HSD11B1L: variants seen among roughly 807,000 people sequenced by gnomAD.
The protein encoded by HSD11B1L is hydroxysteroid 11-beta dehydrogenase 1 like, also known as hydroxysteroid 11-beta-dehydrogenase 1-like protein.
HSD11B1L carries 22 observed loss-of-function variants against 27.0 expected under a neutral mutation model. The observed-to-expected ratio is 0.81, with a 90% CI of 0.58 to 1.16. The LOEUF is 1.16. HSD11B1L is among the 50% of genes most tolerant of loss of function. The pLI, the probability that HSD11B1L is intolerant of heterozygous loss-of-function variation, is 0.00. For synonymous variants in HSD11B1L, 187 were observed against 189.2 expected, an observed-to-expected ratio of 0.99 and a Z score of 0.09; for missense variants, 372 against 401.8, an observed-to-expected ratio of 0.93 and a Z score of 0.63.
chr19:5,686,825 A>C (rs2054705107), intron 4 of HSD11B1L, 75 bp from the exon 5 acceptor site: 1 of 1,256,184 alleles, frequency 8.0e-7, no homozygotes, highest in African/African-American at 1.5e-5. Flanking sequence ...CTCTGGGTGG[A>C]GCTAAGCTCG....
intron 1 of HSD11B1L, among the ~76,000 whole-genome samples, chr19:5,682,262 A>G (rs1426065667): frequency 6.6e-6 from 1 of 152,190 alleles, no homozygotes; most frequent in Admixed American, 6.5e-5. Context: ...CTTTGGCTGC[A>G]TTGACAGAAG....
intron 1 of HSD11B1L, chr19:5,683,963 CTGT>C: frequency 2.5e-6 from 1 of 407,668 alleles, no homozygotes; most frequent in Non-Finnish European, 4.3e-6. Context: ...AAGGAGGTCA[CTGT>C]TCTTTTTTTG....
chr19:5,687,198 G>T lies in HSD11B1L; in HGVS notation c.409-84G>T. ...GGTTTCTGGCCCCGTCTCTGACCCG[G>T]CCCTGGCCCCGCCCTCTGGGTTTCT... On this transcript the variant is annotated intron_variant, in intron 5 of 7. Transcript: ENST00000339423. This position sits in a 1 kb window ranked among gnomAD's most constrained non-coding sequence, Gnocchi z 6.6. The T allele has an allele frequency of 6.8e-7, 1 of 1,462,338 alleles. No homozygotes were observed. Among genetic ancestry groups the T allele is most frequent in the Admixed American group, 1.9e-5 (1 of 53,298 alleles). 90.6% of individuals were successfully genotyped at this position (1,462,338 alleles called of 1,614,324 possible).
chr19:5,683,334 C>CT (rs1311943214), intron 1 of HSD11B1L, among the ~76,000 whole-genome samples: 1 of 152,072 alleles, frequency 6.6e-6, no homozygotes, highest in Non-Finnish European at 1.5e-5. Context: ...GCAGGCACCT[C>CT]TGTCTCCAAC....
Position 5,688,506 on chromosome 19 carries a change from A to C in HSD11B1L, c.*561A>C. 3 of 307,412 alleles carry C rather than the reference A, an allele frequency of 9.8e-6. No homozygotes were observed. The highest frequency in any genetic ancestry group is 5.9e-5 in the East Asian group (1 of 16,924). The allele number at this position is 307,412 out of a possible 1,614,324, so 19.0% of individuals were successfully genotyped here. A position where few individuals can be genotyped will look rare whatever the true frequency, so the allele number is the denominator to read the frequency against. ...CCCAGCCTCTTGTTCGAGAATAAAA[A>C]CTCTTCTTCTCTTGCATATCTGTTG... On this transcript the variant is annotated 3_prime_UTR_variant, in exon 8 of 8. Transcript: ENST00000339423.
In HSD11B1L at chr19:5,687,760, A is replaced by G. The variant is rs773145526; in HGVS notation, c.676A>G (p.Thr226Ala). 7.4e-6 allele frequency: 11 copies of G among 1,482,424 alleles called. No individual in the cohort carries two copies. In the South Asian group the frequency reaches 1.5e-4, roughly 20 times the overall value. 91.8% of individuals were successfully genotyped at this position (1,482,424 alleles called of 1,614,324 possible). A position where few individuals can be genotyped will look rare whatever the true frequency, so the allele number is the denominator to read the frequency against. ...GTGCCCTCCTGTCCCCAGGGGAGTC[A>G]CGAGGGTCAAGGCGGCCCCGGGGCC... ...ASAAEAVRGV[T>A]RVKAAPGPKA... Residue 226 changes from threonine to alanine, a missense_variant, in exon 8 of 8, where the codon ACG becomes GCG. Physicochemically the swap from Thr to Ala is moderately conservative, Grantham distance 58. Transcript: ENST00000339423. This position sits in a 1 kb window ranked among gnomAD's most constrained non-coding sequence, Gnocchi z 6.6.
At position 5,681,145 on chromosome 19, in the gene HSD11B1L, G is replaced by A. The variant is rs2054532507; in HGVS notation, c.-141G>A. 6.6e-6 allele frequency: 1 copy of A among 152,410 alleles called. No individual in the cohort carries two copies. Among genetic ancestry groups the A allele is most frequent in the African/African-American group, 2.4e-5 (1 of 41,458 alleles). The allele number at this position is 152,410 out of a possible 1,614,324, so 9.4% of individuals were successfully genotyped here. A position where few individuals can be genotyped will look rare whatever the true frequency, so the allele number is the denominator to read the frequency against. On this transcript the variant is annotated 5_prime_UTR_variant, in exon 1 of 8. Transcript: ENST00000339423. The stretch of plus-strand genomic sequence containing the variant: ...TCGAGTCACGTGACCCGTGCCCTAC[G>A]GGAGGGGGTGCGGTCGGGGACCCGG...
Position 5,686,556 on chromosome 19 carries a change from C to T in HSD11B1L, c.316+29C>T, listed in dbSNP as rs767860952. On this transcript the variant is annotated intron_variant, in intron 4 of 7. Transcript: ENST00000339423. ...AGGGGCTGGGCCTGAAGCCTGGAGT[C>T]CGGGACCGTGGCCTAGGCCTTAGGG... is the stretch of plus-strand genomic sequence containing the variant. 8 of 1,525,810 alleles carry T rather than the reference C, an allele frequency of 5.2e-6. No homozygotes were observed. The African/African-American group carries it at 9.6e-5, about 18-fold the overall frequency. The allele number at this position is 1,525,810 out of a possible 1,614,324, so 94.5% of individuals were successfully genotyped here.
chr19:5,686,624 T>G, intron 4 of HSD11B1L, 97 bp downstream of exon 4: 1 of 947,938 alleles, frequency 1.1e-6, no homozygotes, highest in Admixed American at 2.7e-5. Context: ...CAGTAACAGG[T>G]GTCTCAGGGC....
intron 1 of HSD11B1L, among the ~76,000 whole-genome samples, chr19:5,683,682 A>C (rs1265112681): frequency 6.6e-6 from 1 of 152,120 alleles, no homozygotes; most frequent in African/African-American, 2.4e-5. Context: ...ACTTGAGCCC[A>C]GGAGTTCAAA....
Position 5,686,899 on chromosome 19 carries a change from G to A in HSD11B1L, c.317-1G>A. The A allele has an allele frequency of 1.3e-6, 2 of 1,544,634 alleles. No individual in the cohort carries two copies. Among genetic ancestry groups the A allele is most frequent in the South Asian group, 1.2e-5 (1 of 83,544 alleles). On this transcript the variant is annotated splice_acceptor_variant, in intron 4 of 7. Coordinates refer to ENST00000339423, the MANE Select transcript of HSD11B1L (RefSeq NM_198706.3). LOFTEE classifies it high-confidence loss of function. ...GGGGCTGACCGGCGTTTCTGGGCCA[G>A]GCGGGCTGGACTACCTCGTGCTGAA...
intron 4 of HSD11B1L, 128 bp downstream of exon 4, chr19:5,686,655 G>C (rs2054700427): frequency 2.6e-6 from 2 of 768,948 alleles, no homozygotes; most frequent in Non-Finnish European, 4.1e-6. Context: ...GGGGACTGGG[G>C]GCGTGGGCGG....
At position 5,687,978 on chromosome 19, in the gene HSD11B1L, C is replaced by CAATGTTCA; in HGVS notation, c.*40_*41insAAATGTTC. 1 of 1,552,964 alleles carries CAATGTTCA rather than the reference C, an allele frequency of 6.4e-7. No homozygotes were observed. The highest frequency in any genetic ancestry group is 8.7e-7 in the Non-Finnish European group (1 of 1,147,712). On this transcript the variant is annotated 3_prime_UTR_variant, in exon 8 of 8. Transcript: ENST00000339423. This position sits in a 1 kb window ranked among gnomAD's most constrained non-coding sequence, Gnocchi z 6.6. Reference sequence around the variant, plus strand: ...GGGGTGCCCCTCCAGTCCCAGACGGCAATGTTCCTCCCTCCAACTGTCCCT... The same window carrying CAATGTTCA: ...GGGGTGCCCCTCCAGTCCCAGACGGCAATGTTCAAATGTTCCTCCCTCCAACTGTCCCT...
chr19:5,686,812 G>A, intron 4 of HSD11B1L, 88 bp from the exon 5 acceptor site: 2 of 1,148,202 alleles, frequency 1.7e-6, no homozygotes, highest in Non-Finnish European at 2.5e-6. Flanking sequence ...CGCTGGACCA[G>A]CGCTCTGGGT....
rs776637614 is a variant in HSD11B1L at position 5,686,459 on chromosome 19, A to G, written c.248A>G (p.Tyr83Cys). ...CRKLGAPKVFYIAADMASPEA... is the reference protein window; with the variant it reads ...CRKLGAPKVFCIAADMASPEA... ...AAGCTGGGCGCCCCCAAGGTCTTCT[A>G]CATCGCGGCGGACATGGCCTCCCCT... Residue 83 changes from tyrosine (Y) to cysteine (C), a missense_variant, in exon 4 of 8, where the codon TAC becomes TGC. Tyr to Cys is a radical substitution (Grantham distance 194). Coordinates refer to ENST00000339423, the MANE Select transcript of HSD11B1L (RefSeq NM_198706.3). 5 of 1,587,778 alleles carry G rather than the reference A, an allele frequency of 3.1e-6. No individual in the cohort carries two copies. The African/African-American group carries it at 6.7e-5, about 21-fold the overall frequency.
chr19:5,681,720 A>C (rs912993965), intron 1 of HSD11B1L, among the ~76,000 whole-genome samples: 3 of 150,904 alleles, frequency 2.0e-5, no homozygotes, highest in Non-Finnish European at 4.4e-5. Flanking sequence ...ATCCATTCAT[A>C]CATCCATCCA....
At position 5,687,966 on chromosome 19, in the gene HSD11B1L, A is replaced by G. The variant is rs201052217; in HGVS notation, c.*21A>G. On this transcript the variant is annotated 3_prime_UTR_variant, in exon 8 of 8. Transcript: ENST00000339423. The surrounding 1 kb of genome is among the most constrained non-coding windows in gnomAD (Gnocchi z 6.6). ...CCTGAGCACCGGGGGGTGCCCCTCC[A>G]GTCCCAGACGGCAATGTTCCTCCCT... is the stretch of plus-strand genomic sequence containing the variant. 3.4e-4 allele frequency: 527 copies of G among 1,555,520 alleles called. 2 individuals carry two copies. In the East Asian group the frequency reaches 0.011, roughly 32 times the overall value.
At position 5,686,946 on chromosome 19, in the gene HSD11B1L, C is replaced by T. The variant is rs769291082; in HGVS notation, c.363C>T (p.Ala121=). 8 of 1,553,010 alleles carry T rather than the reference C, an allele frequency of 5.2e-6. No individual in the cohort carries two copies. Among genetic ancestry groups the T allele is most frequent in the South Asian group, 1.2e-5 (1 of 84,304 alleles). The stretch of plus-strand genomic sequence containing the variant: ...TGAACCACATCGGCGGCGCCCCGGC[C>T]GGCACGCGAGCCCGCAGCCCCCAGG... ...LVLNHIGGAP[A]GTRARSPQAT... is the part of the protein sequence containing the mutation. The change falls in exon 5 of 8, where the codon GCC becomes GCT. Residue 121 remains alanine (A), a synonymous_variant. Transcript: ENST00000339423.
Position 5,685,174 on chromosome 19 carries a change from A to G in HSD11B1L, c.204+55A>G. The G allele has an allele frequency of 4.6e-6, 7 of 1,533,818 alleles. No homozygotes were observed. Among genetic ancestry groups the G allele is most frequent in the Non-Finnish European group, 6.1e-6 (7 of 1,143,810 alleles). On this transcript the variant is annotated intron_variant, in intron 3 of 7. Transcript: ENST00000339423. The surrounding 1 kb of genome is among the most constrained non-coding windows in gnomAD (Gnocchi z 4.3). ...GGGGGTGCTCATGGGGGGTGGGAAG[A>G]GAGCCTGGGTTTAATCCCTGCAATG...
Sources: gnomAD v4.1 joint callset for allele counts (sites outside exome capture counted in the v4.1 genomes callset) on GRCh38, gnomAD v4.1.1 for gene constraint, Gnocchi (gnomAD v3.1) non-coding constraint, MANE v1.5 for transcripts, NCBI Gene and HGNC (gene_info 2026-07-23, HGNC 2026-07-21) for gene names.